CRACD: variants seen among roughly 807,000 people sequenced by gnomAD.
CRACD encodes the protein capping protein-inhibiting regulator of actin dynamics.
Under a neutral mutation model 106.8 loss-of-function variants are expected in CRACD, and 56 were observed. The ratio of observed to expected loss-of-function variants is 0.52; its 90% CI spans 0.42 to 0.66. The LOEUF is 0.66. CRACD is among the 30% of genes least tolerant of loss of function. CRACD has a pLI of 0.00. For synonymous variants in CRACD, 754 were observed against 670.8 expected (o/e 1.12, Z -1.92); for missense variants, 1,730 against 1,623.2 (o/e 1.07, Z -1.13).
At chr4:56,304,468 A>G in intron 4 of CRACD, among the ~76,000 whole-genome samples, 1 of 152,116 alleles carries the variant, frequency 6.6e-6, no homozygotes. Context: ...CATGAGTATT[A>G]TAACAAGGGC....
chr4:56,102,392 A>C (rs185602654), intron 1 of CRACD, among the ~76,000 whole-genome samples: 1 of 152,232 alleles, frequency 6.6e-6, no homozygotes, highest in African/African-American at 2.4e-5. Context: ...CCTAGCATTC[A>C]CCTTCTTCAT....
At chr4:56,257,526 G>GAAAAAA (rs533700935) in intron 2 of CRACD, among the ~76,000 whole-genome samples, 1 of 123,014 alleles carries the variant, frequency 8.1e-6, no homozygotes, top group Non-Finnish European at 1.7e-5. Flanking sequence ...TGTCTCTACA[G>GAAAAAA]AAAAAAAAAA....
intron 5 of CRACD, chr4:56,308,757 C>G (rs754287002): frequency 7.1e-6 from 7 of 985,378 alleles, no homozygotes; most frequent in Middle Eastern, 5.2e-4. Context: ...GCCCATCTCT[C>G]CCGGCAGCTC....
intron 1 of CRACD, among the ~76,000 whole-genome samples, chr4:56,068,485 G>A (rs931662305): frequency 1.3e-5 from 2 of 152,174 alleles, no homozygotes; most frequent in Non-Finnish European, 2.9e-5. Context: ...AAGCATCAGA[G>A]TGACATGATC....
chr4:56,112,769 G>A (rs140027067), intron 1 of CRACD, among the ~76,000 whole-genome samples: 136 of 152,114 alleles, frequency 8.9e-4, no homozygotes, highest in Middle Eastern at 3.4e-3. Context: ...CAGCTTGCCC[G>A]TTTAGTTTTC....
At chr4:56,227,659 A>G (rs75103323) in intron 2 of CRACD, among the ~76,000 whole-genome samples, 3,491 of 152,354 alleles carry the variant, frequency 0.023, 61 homozygotes, top group Non-Finnish European at 0.031. Context: ...CGCAGTGCAC[A>G]GATAGCCACA....
rs1253328702 is a variant in CRACD, at chr4:56,281,262, C to T, written c.-17+8770C>T. Among the ~76,000 whole-genome samples, 9 of 152,070 alleles carry T rather than the reference C, an allele frequency of 5.9e-5. No homozygotes were observed. The East Asian group carries it at 1.2e-3, about 20-fold the overall frequency. ...TGAACCCTATTGTGAACTGTGCATG[C>T]GAGGGATCTAGGTGGCGTGCTTTTT... On this transcript the variant is annotated intron_variant, in intron 3 of 10. Coordinates refer to ENST00000682029, the MANE Select transcript of CRACD (RefSeq NM_001393381.1).
intron 2 of CRACD, among the ~76,000 whole-genome samples, chr4:56,206,157 T>C (rs1017777040): frequency 3.9e-5 from 6 of 152,252 alleles, no homozygotes; most frequent in African/African-American, 1.4e-4. Context: ...ATGTGCCCGT[T>C]TTCCCTGTTA....
intron 1 of CRACD, among the ~76,000 whole-genome samples, chr4:56,175,996 G>A (rs1736567786): frequency 6.6e-6 from 1 of 152,084 alleles, no homozygotes; most frequent in Admixed American, 6.5e-5. Context: ...GTCTGTATAT[G>A]GATATCCAGT....
In CRACD at chr4:56,315,540, G is replaced by A. The variant is rs774810416; in HGVS notation, c.2038G>A (p.Glu680Lys). 43 of 1,614,092 alleles carry A rather than the reference G, an allele frequency of 2.7e-5. No individual in the cohort carries two copies. The East Asian group carries it at 7.1e-4, about 27-fold the overall frequency. ...SIRSRILKNA[E>K]SDPRSSERDQ... is the part of the protein sequence containing the mutation. ...TCGGTCCAGAATCCTGAAGAACGCA[G>A]AGAGTGACCCGCGCAGCAGCGAGAG... is the stretch of plus-strand genomic sequence containing the variant. Residue 680 changes from glutamate (E) to lysine (K), a missense_variant, in exon 8 of 11, where the codon GAG (glutamate) becomes AAG (lysine). Physicochemically the swap from Glu to Lys is moderately conservative, Grantham distance 56 (BLOSUM62 1). Transcript: ENST00000682029. This position sits in a 1 kb window ranked among gnomAD's most constrained non-coding sequence, Gnocchi z 4.1.
rs74605138 is a variant in CRACD, at chr4:56,217,003, GAAA to G, written c.-189+37585_-189+37587del. 4.3e-3 allele frequency among the ~76,000 whole-genome samples: 482 copies of G among 112,854 alleles called. 5 individuals carry two copies. The highest frequency in any genetic ancestry group is 0.015 in the Middle Eastern group (3 of 206). The allele number at this position is 112,854 out of a possible 152,430, so 74.0% of individuals were successfully genotyped here. ...CTCCGTCTCAAAAAAAAAAAAAAAA[GAAA>G]AAAAAAAAAAAGAAAATGTCTCAGG... On this transcript the variant is annotated intron_variant, in intron 2 of 10. Transcript: ENST00000682029.
intron 2 of CRACD, among the ~76,000 whole-genome samples, chr4:56,198,345 T>A (rs143419124): frequency 3.7e-4 from 56 of 152,268 alleles, no homozygotes; most frequent in Non-Finnish European, 6.9e-4. Flanking sequence ...GTATCATAGG[T>A]CTTTGAAGTT....
chr4:56,242,275 G>A (rs1740410555), intron 2 of CRACD, among the ~76,000 whole-genome samples: 2 of 152,098 alleles, frequency 1.3e-5, no homozygotes, highest in South Asian at 4.1e-4. Context: ...TACAGCCACA[G>A]GATGAACGGA....
intron 1 of CRACD, among the ~76,000 whole-genome samples, chr4:56,129,781 G>C (rs1214140713): frequency 6.6e-6 from 1 of 152,192 alleles, no homozygotes; most frequent in Non-Finnish European, 1.5e-5. Flanking sequence ...AAAACCCAGG[G>C]ATGTGATAGG....
intron 1 of CRACD, among the ~76,000 whole-genome samples, chr4:56,106,232 A>G (rs934292539): frequency 6.6e-6 from 1 of 152,164 alleles, no homozygotes; most frequent in Non-Finnish European, 1.5e-5. Flanking sequence ...TCCCCAGGCC[A>G]CACTTCTTCA....
chr4:56,211,138 T>C (rs2109491741), intron 2 of CRACD, among the ~76,000 whole-genome samples: 1 of 152,354 alleles, frequency 6.6e-6, no homozygotes, highest in African/African-American at 2.4e-5. Flanking sequence ...CATTGTAATT[T>C]TAAATGACCT....
At chr4:56,088,787 G>A (rs984712120) in intron 1 of CRACD, among the ~76,000 whole-genome samples, 1 of 150,814 alleles carries the variant, frequency 6.6e-6, no homozygotes, top group Non-Finnish European at 1.5e-5. Flanking sequence ...GTGCAGCAGC[G>A]TGAGCGTGGC....
At chr4:56,173,694 T>C (rs975170390) in intron 1 of CRACD, among the ~76,000 whole-genome samples, 1 of 152,236 alleles carries the variant, frequency 6.6e-6, no homozygotes, top group African/African-American at 2.4e-5. Flanking sequence ...TTTGTAATAA[T>C]TGGTAAAAAT....
intron 2 of CRACD, among the ~76,000 whole-genome samples, chr4:56,257,238 T>A (rs1741416204): frequency 6.6e-6 from 1 of 152,040 alleles, no homozygotes; most frequent in Non-Finnish European, 1.5e-5. Flanking sequence ...CCCACCACCA[T>A]GCCTGGCTAA....
Sources: allele counts gnomAD v4.1 joint callset (sites outside exome capture counted in the v4.1 genomes callset), GRCh38; gene constraint gnomAD v4.1.1; non-coding constraint Gnocchi (gnomAD v3.1); transcripts MANE v1.5; gene names NCBI Gene and HGNC (gene_info 2026-07-23, HGNC 2026-07-21).